The following LGSN variants were observed in gnomAD, a reference collection of about 807,000 sequenced individuals.
LGSN encodes the protein lengsin.
In LGSN, 21 loss-of-function variants were observed where a neutral mutation model predicts 19.5. The ratio of observed to expected loss-of-function variants is 1.07; its 90% CI spans 0.76 to 1.55. The LOEUF is 1.55. LGSN is among the 40% of genes most tolerant of loss of function. The pLI, the probability that LGSN is intolerant of heterozygous loss-of-function variation, is 0.00. For synonymous variants in LGSN, 257 were observed against 215.6 expected, an observed-to-expected ratio of 1.19 and a Z score of -1.68; for missense variants, 673 against 608.5, an observed-to-expected ratio of 1.11 and a Z score of -1.12.
chr6:63,526,827 ATATATATATT>A, the LGSN span, among the ~76,000 whole-genome samples: 2 of 140,310 alleles, frequency 1.4e-5, no homozygotes, highest in African/African-American at 5.6e-5. Context: ...ATATATATAT[ATATATATATT>A]TATTTATTTA....
the LGSN span, among the ~76,000 whole-genome samples, chr6:63,461,360 G>A: frequency 6.6e-6 from 1 of 152,132 alleles, no homozygotes; most frequent in East Asian, 1.9e-4. Context: ...CCTTGTCTGT[G>A]CTCTTTTGGT....
the LGSN span, among the ~76,000 whole-genome samples, chr6:63,365,553 T>A: frequency 6.6e-6 from 1 of 152,048 alleles, no homozygotes; most frequent in Non-Finnish European, 1.5e-5. Flanking sequence ...TTCCAATCAA[T>A]AGAAAAAGAT....
At chr6:63,432,179 G>GAAAGAAAAGAAAAGA in the LGSN span, among the ~76,000 whole-genome samples, 928 of 113,560 alleles carry the variant, frequency 8.2e-3, 56 homozygotes, top group Non-Finnish European at 0.011. Context: ...GAAAAGGAAA[G>GAAAGAAAAGAAAAGA]AAAGAAAAGA....
the LGSN span, among the ~76,000 whole-genome samples, chr6:63,530,009 C>G: frequency 6.6e-6 from 1 of 152,040 alleles, no homozygotes; most frequent in South Asian, 2.1e-4. Context: ...AGTAATATTT[C>G]ACTTTTTGAC....
chr6:63,339,935 T>C, the LGSN span, among the ~76,000 whole-genome samples: 1 of 152,198 alleles, frequency 6.6e-6, no homozygotes, highest in South Asian at 2.1e-4. Context: ...GCTTTTTTTG[T>C]AGATCCCCTC....
At chr6:63,386,721 G>A in the LGSN span, among the ~76,000 whole-genome samples, 1 of 152,152 alleles carries the variant, frequency 6.6e-6, no homozygotes, top group Non-Finnish European at 1.5e-5. Flanking sequence ...AATATTTAGA[G>A]AGGGTAATCT....
chr6:63,391,052 CAAAT>C, the LGSN span, among the ~76,000 whole-genome samples: 6 of 151,990 alleles, frequency 3.9e-5, no homozygotes, highest in African/African-American at 9.7e-5. Context: ...GTTAAATAGA[CAAAT>C]AGAATTACTA....
the LGSN span, among the ~76,000 whole-genome samples, chr6:63,505,565 A>AGAAAGAAAGAAAGAG: frequency 3.4e-5 from 2 of 58,674 alleles, no homozygotes; most frequent in African/African-American, 1.8e-4. Context: ...AAAAAAAAAA[A>AGAAAGAAAGAAAGAG]AAAGAAAGAA....
chr6:63,548,498 T>C, the LGSN span, among the ~76,000 whole-genome samples: 1 of 152,210 alleles, frequency 6.6e-6, no homozygotes, highest in Non-Finnish European at 1.5e-5. Flanking sequence ...GTCTCCATCG[T>C]AGCAGCCTGT....
chr6:63,453,913 C>T, the LGSN span, among the ~76,000 whole-genome samples: 2 of 152,194 alleles, frequency 1.3e-5, no homozygotes, highest in South Asian at 2.1e-4. Flanking sequence ...GCCTCGGCCT[C>T]CCAAAGTGCT....
At chr6:63,424,820 G>A in the LGSN span, among the ~76,000 whole-genome samples, 153 of 152,156 alleles carry the variant, frequency 1.0e-3, no homozygotes, top group Non-Finnish European at 1.3e-3. Flanking sequence ...GCTGAGGTGG[G>A]AGGATCTCTT....
At chr6:63,302,566 A>G (rs1448149512) in intron 1 of LGSN, among the ~76,000 whole-genome samples, 1 of 152,202 alleles carries the variant, frequency 6.6e-6, no homozygotes, top group Admixed American at 6.5e-5. Context: ...TAGCACAAGA[A>G]CTAATTGAAT....
At chr6:63,358,119 G>A in the LGSN span, among the ~76,000 whole-genome samples, 15 of 152,248 alleles carry the variant, frequency 9.9e-5, no homozygotes, top group African/African-American at 2.9e-4. Context: ...TTTTTGTCAG[G>A]TTCGTCAAAG....
the LGSN span, among the ~76,000 whole-genome samples, chr6:63,497,621 G>A: frequency 2.8e-3 from 422 of 152,148 alleles, 4 homozygotes; most frequent in Admixed American, 7.1e-3. Context: ...AGTTGGCATA[G>A]GAAAGGCATA....
the LGSN span, among the ~76,000 whole-genome samples, chr6:63,551,123 T>C: frequency 6.6e-6 from 1 of 152,122 alleles, no homozygotes; most frequent in Non-Finnish European, 1.5e-5. Context: ...TGGAGCACAG[T>C]TGCTCAATCT....
chr6:63,410,415 G>A, the LGSN span, among the ~76,000 whole-genome samples: 8 of 152,150 alleles, frequency 5.3e-5, no homozygotes, highest in African/African-American at 1.2e-4. Flanking sequence ...TTTTTAGTAC[G>A]ACTCTGAAAT....
At chr6:63,374,958 A>G in the LGSN span, among the ~76,000 whole-genome samples, 2 of 152,226 alleles carry the variant, frequency 1.3e-5, no homozygotes, top group Non-Finnish European at 2.9e-5. Context: ...AAAGTTGCTG[A>G]TAATAAACAT....
chr6:63,420,861 T>C, the LGSN span, among the ~76,000 whole-genome samples: 4 of 151,842 alleles, frequency 2.6e-5, no homozygotes, highest in South Asian at 6.2e-4. Context: ...CAATGAGCAA[T>C]TGTGAACATG....
intron 1 of LGSN, among the ~76,000 whole-genome samples, chr6:63,317,903 T>A (rs12111559): frequency 0.033 from 4,956 of 152,254 alleles, 267 homozygotes; most frequent in African/African-American, 0.11. Context: ...GGGGAACAGA[T>A]CTTACTCACT....
Sources: allele counts gnomAD v4.1 joint callset (sites outside exome capture counted in the v4.1 genomes callset), GRCh38; gene constraint gnomAD v4.1.1; transcripts MANE v1.5; gene names NCBI Gene and HGNC (gene_info 2026-07-23, HGNC 2026-07-21).